The following GTF3A variants were observed in gnomAD, a reference collection of about 807,000 sequenced individuals.
The protein encoded by GTF3A is transcription factor IIIA.
Under a neutral mutation model 37.6 loss-of-function variants are expected in GTF3A, and 40 were observed. The observed-to-expected ratio is 1.06, with a 90% CI of 0.83 to 1.38. GTF3A has a LOEUF of 1.38. Among genes scored for constraint, GTF3A ranks in the 40% most tolerant of loss-of-function variants. The pLI, the probability that GTF3A is intolerant of heterozygous loss-of-function variation, is 0.00. For missense variants in GTF3A, 500 were observed against 462.6 expected, an observed-to-expected ratio of 1.08 and a Z score of -0.74; for synonymous variants, 191 against 166.7, an observed-to-expected ratio of 1.15 and a Z score of -1.12.
intron 4 of GTF3A, among the ~76,000 whole-genome samples, 182 bp downstream of exon 4, chr13:27,430,803 C>T (rs114211662): frequency 0.016 from 2,459 of 152,254 alleles, 62 homozygotes; most frequent in African/African-American, 0.055. Flanking sequence ...TCTGAGTTCC[C>T]TGTAGATCCT....
intron 4 of GTF3A, among the ~76,000 whole-genome samples, chr13:27,432,103 G>C (rs559651445): frequency 9.8e-5 from 15 of 152,316 alleles, no homozygotes; most frequent in African/African-American, 3.1e-4. Context: ...GGAACGTGAG[G>C]GTGGCTGGAC....
intron 2 of GTF3A, 40 bp from the exon 3 acceptor site, chr13:27,429,830 C>CTTGGTTTATTAATATT (rs1226653533): frequency 9.1e-7 from 1 of 1,100,328 alleles, no homozygotes; most frequent in African/African-American, 1.6e-5. Flanking sequence ...CTTCTTCTCC[C>CTTGGTTTATTAATATT]TTGGTTTATT....
intron 6 of GTF3A, 73 bp from the exon 7 acceptor site, chr13:27,434,732 A>ATATT (rs1436240369): frequency 1.3e-6 from 1 of 748,444 alleles, no homozygotes; most frequent in Non-Finnish European, 2.3e-6. Flanking sequence ...TGTTACTTAT[A>ATATT]TATTAGGTAT....
Position 27,424,950 on chromosome 13 carries a change from GAGGCTGCCAACCCTGGGCCT to G in GTF3A, c.201+16_201+35del, listed in dbSNP as rs1341493248. The G allele has an allele frequency of 1.3e-6, 2 of 1,539,646 alleles. No individual in the cohort carries two copies. Among genetic ancestry groups the G allele is most frequent in the Non-Finnish European group, 8.8e-7 (1 of 1,140,906 alleles). Reference sequence around the variant, plus strand: ...AGCACACGGGGGAGGTGAGGGGGGCGAGGCTGCCAACCCTGGGCCTAGGGATGGCGCGTGGCCCCGGGGTA... The same window carrying G: ...AGCACACGGGGGAGGTGAGGGGGGCGAGGGATGGCGCGTGGCCCCGGGGTA... On this transcript the variant is annotated intron_variant, in intron 1 of 8. Coordinates refer to ENST00000381140, the MANE Select transcript of GTF3A (RefSeq NM_002097.3).
At position 27,424,842 on chromosome 13, in the gene GTF3A, G is replaced by T; in HGVS notation, c.105G>T (p.Ala35=). ...CAGCTCCGACCCCGCCGCGCCCCGC[G>T]CTTCCCAGGAGGTTCATCTGCTCCT... Residue 35 remains alanine, a synonymous_variant, in exon 1 of 9, where the codon GCG becomes GCT. Coordinates refer to ENST00000381140, the MANE Select transcript of GTF3A (RefSeq NM_002097.3). 1 of 1,550,684 alleles carries T rather than the reference G, an allele frequency of 6.4e-7. No homozygotes were observed. Among genetic ancestry groups the T allele is most frequent in the South Asian group, 1.2e-5 (1 of 83,788 alleles).
chr13:27,429,959 A>C lies in GTF3A; in HGVS notation c.392A>C (p.Gln131Pro), dbSNP rs1389141412. 5 of 1,466,986 alleles carry C rather than the reference A, an allele frequency of 3.4e-6. No individual in the cohort carries two copies. 90.9% of individuals were successfully genotyped at this position (1,466,986 alleles called of 1,614,324 possible). ...CGCAAACATGAAAATCAACAAAAAC[A>C]ATATATAGTAAGTATGATTTTATAT... The change falls in exon 3 of 9, where the codon CAA (glutamine) becomes CCA (proline). Residue 131 changes from glutamine to proline, a missense_variant. Physicochemically the swap from Gln to Pro is moderately conservative, Grantham distance 76. Coordinates refer to ENST00000381140, the MANE Select transcript of GTF3A (RefSeq NM_002097.3).
Position 27,434,921 on chromosome 13 carries a change from G to T in GTF3A, c.760G>T (p.Gly254Ter). 3 of 1,609,804 alleles carry T rather than the reference G, an allele frequency of 1.9e-6. No individual in the cohort carries two copies. The highest frequency in any genetic ancestry group is 2.6e-6 in the Non-Finnish European group (3 of 1,176,066). ...ATGTCGCTGTCCAAGAGAAGGCTGT[G>T]GAAGAACCTATACAACTGTGTTTAA... is the stretch of plus-strand genomic sequence containing the variant. Residue 254 changes from glycine to a stop codon, truncating the protein, a stop_gained, in exon 7 of 9, where the codon GGA (glycine) becomes TGA (stop). Coordinates refer to ENST00000381140, the MANE Select transcript of GTF3A (RefSeq NM_002097.3). LOFTEE classifies it high-confidence loss of function.
At position 27,424,640 on chromosome 13, in the gene GTF3A, A is replaced by G. The variant is rs944723191; in HGVS notation, c.-98A>G. The G allele has an allele frequency of 1.9e-3, 1,588 of 818,528 alleles. 7 individuals are homozygous for G. The highest frequency in any genetic ancestry group is 2.5e-3 in the South Asian group (51 of 20,532). 50.7% of individuals were successfully genotyped at this position (818,528 alleles called of 1,614,324 possible). ...CCGGAAGTGTGCCGGCGTCGCGCGA[A>G]GGTTCAGCAGGGAGCCGTGGGCCGG... On this transcript the variant is annotated 5_prime_UTR_variant, in exon 1 of 9. Transcript: ENST00000381140.
At chr13:27,427,342 C>A in intron 2 of GTF3A, 150 bp downstream of exon 2, 1 of 595,902 alleles carries the variant, frequency 1.7e-6, no homozygotes, top group Non-Finnish European at 3.0e-6. Context: ...CTTTGGGAGG[C>A]GGAGATGGGC....
Position 27,429,929 on chromosome 13 carries a change from T to C in GTF3A, c.362T>C (p.Phe121Ser). ...ACAAAATCAAACTTGAAGAAACATT[T>C]TGAACGCAAACATGAAAATCAACAA... The change falls in exon 3 of 9, where the codon TTT (phenylalanine) becomes TCT (serine). Residue 121 changes from phenylalanine to serine, a missense_variant. Coordinates refer to ENST00000381140, the MANE Select transcript of GTF3A (RefSeq NM_002097.3). 1 of 1,538,404 alleles carries C rather than the reference T, an allele frequency of 6.5e-7. No individual in the cohort carries two copies. Among genetic ancestry groups the C allele is most frequent in the Non-Finnish European group, 8.8e-7 (1 of 1,141,848 alleles).
rs1228853743 is a variant in GTF3A at position 27,429,920 on chromosome 13, A to T, written c.353A>T (p.Lys118Met). The T allele has an allele frequency of 3.9e-6, 6 of 1,540,632 alleles. No individual in the cohort carries two copies. The change falls in exon 3 of 9, where the codon AAG becomes ATG. Residue 118 changes from lysine (K) to methionine (M), a missense_variant. Physicochemically the swap from Lys to Met is moderately conservative, Grantham distance 95. Transcript: ENST00000381140. ...AAATTCAACACAAAATCAAACTTGA[A>T]GAAACATTTTGAACGCAAACATGAA...
intron 2 of GTF3A, among the ~76,000 whole-genome samples, chr13:27,428,943 T>C (rs1343697862): frequency 2.0e-5 from 3 of 152,082 alleles, no homozygotes; most frequent in African/African-American, 7.2e-5. Context: ...TTAGAGACTT[T>C]GTGGGGGTTG....
chr13:27,432,013 G>A lies in GTF3A; in HGVS notation c.489-718G>A, dbSNP rs940860170. Among the ~76,000 whole-genome samples the A allele has an allele frequency of 2.6e-5, 4 of 152,206 alleles. No homozygotes were observed. The South Asian group carries it at 8.3e-4, about 31-fold the overall frequency. ...TAGAGCCTGTGCAACTATATGAAATGTCATTATGGAGACACTCATTATGCT... is the reference window on the plus strand; with the variant it reads ...TAGAGCCTGTGCAACTATATGAAATATCATTATGGAGACACTCATTATGCT... On this transcript the variant is annotated intron_variant, in intron 4 of 8. Transcript: ENST00000381140.
chr13:27,426,781 C>G (rs896996152), intron 1 of GTF3A, among the ~76,000 whole-genome samples: 1 of 152,110 alleles, frequency 6.6e-6, no homozygotes, highest in African/African-American at 2.4e-5. Context: ...ACAGCCAGGG[C>G]GTCTTTAAGA....
At chr13:27,431,600 G>A (rs775374230) in intron 4 of GTF3A, among the ~76,000 whole-genome samples, 2 of 151,452 alleles carry the variant, frequency 1.3e-5, no homozygotes, top group African/African-American at 2.4e-5. Context: ...AAAAGACACA[G>A]TGATTTCATA....
intron 4 of GTF3A, among the ~76,000 whole-genome samples, chr13:27,431,865 T>A (rs1953660732): frequency 6.6e-6 from 1 of 152,236 alleles, no homozygotes; most frequent in African/African-American, 2.4e-5. Context: ...CATTTATATA[T>A]TGGGAGCATT....
Position 27,430,644 on chromosome 13 carries a change from A to T in GTF3A, c.488+23A>T, listed in dbSNP as rs201652912. 9.6e-5 allele frequency: 136 copies of T among 1,421,690 alleles called. No homozygotes were observed. The African/African-American group carries it at 1.7e-3, about 18-fold the overall frequency. 88.1% of individuals were successfully genotyped at this position (1,421,690 alleles called of 1,614,324 possible). ...CAAGTAGGTACTTCATGTGGCTGAAAATGCCTGGATTCTAGGTGTGAATAA... is the reference window on the plus strand; with the variant it reads ...CAAGTAGGTACTTCATGTGGCTGAATATGCCTGGATTCTAGGTGTGAATAA... On this transcript the variant is annotated intron_variant, in intron 4 of 8. Transcript: ENST00000381140.
rs1300050629 is a variant in GTF3A at position 27,424,746 on chromosome 13, G to T, written c.9G>T (p.Pro3=). 6.8e-6 allele frequency: 10 copies of T among 1,468,888 alleles called. No individual in the cohort carries two copies. The African/African-American group carries it at 1.5e-4, about 22-fold the overall frequency. 91.0% of individuals were successfully genotyped at this position (1,468,888 alleles called of 1,614,324 possible). ...TTGGAGGCGCCGGCGCCCTGGATCC[G>T]CCGGCCGTGGTCGCCGAGTCGGTGT... The change falls in exon 1 of 9, where the codon CCG becomes CCT. Residue 3 remains proline, a synonymous_variant. Coordinates refer to ENST00000381140, the MANE Select transcript of GTF3A (RefSeq NM_002097.3).
intron 4 of GTF3A, among the ~76,000 whole-genome samples, chr13:27,431,775 G>A (rs1314571921): frequency 6.6e-6 from 1 of 152,194 alleles, no homozygotes; most frequent in East Asian, 1.9e-4. Flanking sequence ...AAAAGCCATT[G>A]AAATTTAAAG....
Sources: gnomAD v4.1 joint callset for allele counts (sites outside exome capture counted in the v4.1 genomes callset) on GRCh38, gnomAD v4.1.1 for gene constraint, MANE v1.5 for transcripts, NCBI Gene and HGNC (gene_info 2026-07-23, HGNC 2026-07-21) for gene names.